The following PRKD3 variants were observed in gnomAD, a reference collection of about 807,000 sequenced individuals.
PRKD3 encodes serine/threonine-protein kinase D3.
In PRKD3, 47 loss-of-function variants were observed where a neutral mutation model predicts 99.2. The observed-to-expected ratio is 0.47, with a 90% CI of 0.38 to 0.60. The LOEUF (loss-of-function observed/expected upper bound fraction) is 0.60, where lower values mean the gene tolerates loss of function less well. Among genes scored for constraint, PRKD3 ranks in the 20% least tolerant of loss-of-function variants. The pLI is 0.00. For missense variants in PRKD3, 1,019 were observed against 1,088.4 expected, an observed-to-expected ratio of 0.94 and a Z score of 0.90; for synonymous variants, 392 against 355.4, an observed-to-expected ratio of 1.10 and a Z score of -1.16.
At chr2:37,261,450 G>GA (rs1668441358) in intron 14 of PRKD3, among the ~76,000 whole-genome samples, 2 of 150,240 alleles carry the variant, frequency 1.3e-5, no homozygotes, top group African/African-American at 4.9e-5. Context: ...TCATGCCATT[G>GA]CACTCCAGCC....
chr2:37,320,476 G>C (rs1167754796), intron 1 of PRKD3, among the ~76,000 whole-genome samples: 3 of 131,306 alleles, frequency 2.3e-5, no homozygotes, highest in African/African-American at 8.7e-5. Context: ...CTGTTGCCTA[G>C]GCTGGAGTAC....
Position 37,274,588 on chromosome 2 carries a change from T to C in PRKD3, c.1484A>G (p.Tyr495Cys), listed in dbSNP as rs1227803372. The change falls in exon 11 of 19, where the codon TAC (tyrosine) becomes TGC (cysteine). Residue 495 changes from tyrosine to cysteine, a missense_variant. Transcript: ENST00000234179. ...GTCCCCATTGTTCTCACCAACGAAG[T>C]ATACCATAGTATCAGTAATGATTTC... Reference protein sequence around the residue: ...CFEIITDTMVYFVGENNGDSS... With the variant: ...CFEIITDTMVCFVGENNGDSS... 6.2e-6 allele frequency: 10 copies of C among 1,614,014 alleles called. No homozygotes were observed. In the Admixed American group the frequency reaches 1.7e-4, roughly 27 times the overall value.
chr2:37,272,231 A>T, intron 12 of PRKD3, 149 bp downstream of exon 12: 1 of 1,199,936 alleles, frequency 8.3e-7, no homozygotes, highest in Non-Finnish European at 1.1e-6. Context: ...AGTTTCCTCT[A>T]TAAAGCAGAA....
chr2:37,282,400 G>A, intron 7 of PRKD3, 142 bp downstream of exon 7: 2 of 625,930 alleles, frequency 3.2e-6, no homozygotes, highest in South Asian at 2.1e-5. Context: ...AGTGGTCTGT[G>A]TATTTTGTTT....
intron 2 of PRKD3, among the ~76,000 whole-genome samples, chr2:37,302,366 C>T (rs150174613): frequency 6.2e-4 from 94 of 152,268 alleles, no homozygotes; most frequent in Admixed American, 1.0e-3. Context: ...ATTAAATTTC[C>T]ACCCTCATGC....
chr2:37,289,568 A>C, intron 4 of PRKD3, 55 bp from the exon 5 acceptor site: 2 of 1,385,416 alleles, frequency 1.4e-6, no homozygotes, highest in Admixed American at 2.1e-5. Context: ...TTACTATTTA[A>C]GTGTGATACA....
intron 11 of PRKD3, among the ~76,000 whole-genome samples, chr2:37,273,886 G>A (rs1031501422): frequency 6.6e-6 from 1 of 152,136 alleles, no homozygotes; most frequent in African/African-American, 2.4e-5. Context: ...TTTTGTTGGT[G>A]CAAAACATGT....
rs148889424 is a variant in PRKD3 at position 37,276,244 on chromosome 2, G to C, written c.1297-400C>G. ...TGCACATGTAATTTTGCCTGATAGTGTTATATTATTCTACACAAGATTTGA... is the reference window on the plus strand; with the variant it reads ...TGCACATGTAATTTTGCCTGATAGTCTTATATTATTCTACACAAGATTTGA... On this transcript the variant is annotated intron_variant, in intron 9 of 18. Coordinates refer to ENST00000234179, the MANE Select transcript of PRKD3 (RefSeq NM_005813.6). Among the ~76,000 whole-genome samples, 322 of 152,176 alleles carry C rather than the reference G, an allele frequency of 2.1e-3. 1 individual carries two copies. Among genetic ancestry groups the C allele is most frequent in the African/African-American group, 7.1e-3 (294 of 41,534 alleles).
chr2:37,267,310 T>TA (rs1668910002), intron 14 of PRKD3, 120 bp downstream of exon 14: 1 of 619,898 alleles, frequency 1.6e-6, no homozygotes, highest in Non-Finnish European at 2.7e-6. Flanking sequence ...GCAGTCCCTA[T>TA]AATGCCTATA....
chr2:37,289,297 C>A, intron 5 of PRKD3, 59 bp downstream of exon 5: 2 of 1,560,136 alleles, frequency 1.3e-6, no homozygotes, highest in Non-Finnish European at 1.8e-6. Context: ...ATGTCATACA[C>A]CCTGTAGAAA....
In PRKD3 at chr2:37,308,005, C is replaced by T. The variant is rs369760272; in HGVS notation, c.288+8232G>A. 2.5e-4 allele frequency among the ~76,000 whole-genome samples: 38 copies of T among 152,292 alleles called. No individual in the cohort carries two copies. The South Asian group carries it at 7.3e-3, about 29-fold the overall frequency. ...TTTTACCATGCTCTCCCCCATACTG[C>T]GAACGCCAATTTCATTTTCCCCCAA... On this transcript the variant is annotated intron_variant, in intron 2 of 18. Coordinates refer to ENST00000234179, the MANE Select transcript of PRKD3 (RefSeq NM_005813.6).
chr2:37,259,558 T>TA (rs1369682649), intron 16 of PRKD3, 25 bp downstream of exon 16: 5 of 1,557,312 alleles, frequency 3.2e-6, no homozygotes, highest in Non-Finnish European at 4.4e-6. Flanking sequence ...CAGAATCATT[T>TA]AAAAGGTTCT....
At chr2:37,323,349 G>A (rs1425961278) in intron 1 of PRKD3, among the ~76,000 whole-genome samples, 2 of 151,692 alleles carry the variant, frequency 1.3e-5, no homozygotes, top group African/African-American at 2.4e-5. Context: ...ATAGAACCGA[G>A]GATGGAACCT....
intron 2 of PRKD3, among the ~76,000 whole-genome samples, chr2:37,304,230 T>C (rs1403995687): frequency 1.3e-5 from 2 of 150,442 alleles, no homozygotes; most frequent in East Asian, 1.9e-4. Context: ...GTGTTGACTA[T>C]TGAGCAACTA....
chr2:37,265,867 A>G (rs17020394), intron 14 of PRKD3, among the ~76,000 whole-genome samples: 7,512 of 152,244 alleles, frequency 0.049, 557 homozygotes, highest in African/African-American at 0.16. Context: ...AAATTTAGTT[A>G]TTATGATCCA....
At chr2:37,302,578 A>C (rs534851524) in intron 2 of PRKD3, among the ~76,000 whole-genome samples, 2 of 152,246 alleles carry the variant, frequency 1.3e-5, no homozygotes, top group Non-Finnish European at 2.9e-5. Flanking sequence ...TTTCAAGTTC[A>C]TGTCGTTAAA....
Position 37,316,900 on chromosome 2 carries a change from TA to T in PRKD3, c.-377del, listed in dbSNP as rs1277506750. 1 of 1,010,776 alleles carries T rather than the reference TA, an allele frequency of 9.9e-7. No individual in the cohort carries two copies. The highest frequency in any genetic ancestry group is 5.4e-5 in the Admixed American group (1 of 18,586). 62.6% of individuals were successfully genotyped at this position (1,010,776 alleles called of 1,614,324 possible). ...TTAATTTCAGGAAATACATATTGAA[TA>T]AAAGTTGTTTTTCTGTCAAGGTGAA... On this transcript the variant is annotated 5_prime_UTR_variant, in exon 2 of 19. Transcript: ENST00000234179.
At chr2:37,269,795 G>C in intron 12 of PRKD3, 108 bp from the exon 13 acceptor site, 1 of 793,404 alleles carries the variant, frequency 1.3e-6, no homozygotes, top group Non-Finnish European at 2.0e-6. Flanking sequence ...GTTAGAAGCA[G>C]CTAATTTCCA....
At chr2:37,260,484 G>T in intron 14 of PRKD3, 100 bp from the exon 15 acceptor site, 2 of 1,061,824 alleles carry the variant, frequency 1.9e-6, no homozygotes, top group Non-Finnish European at 2.8e-6. Context: ...CAGAAAGAAA[G>T]CCTAGAGAAG....
Sources: allele counts gnomAD v4.1 joint callset (sites outside exome capture counted in the v4.1 genomes callset), GRCh38; gene constraint gnomAD v4.1.1; transcripts MANE v1.5; gene names NCBI Gene and HGNC (gene_info 2026-07-23, HGNC 2026-07-21).